The following KLHL15 variants were observed in gnomAD, a reference collection of about 807,000 sequenced individuals.
KLHL15 encodes kelch like family member 15.
In KLHL15, 1 loss-of-function variant was observed where a neutral mutation model predicts 29.3. The ratio of observed to expected loss-of-function variants is 0.03; its 90% CI spans 0.01 to 0.16. KLHL15 has a LOEUF of 0.16. KLHL15 is among the 10% of genes least tolerant of loss of function. The probability of loss-of-function intolerance (pLI) is 1.00; values close to 1 mark genes in which losing one functional copy is unlikely to be tolerated. For missense variants in KLHL15, 215 were observed against 478.5 expected (o/e 0.45, Z 5.14); for synonymous variants, 212 against 184.5 (o/e 1.15, Z -1.21).
intron 3 of KLHL15, among the ~76,000 whole-genome samples, chrX:23,995,872 C>T (rs949218030): frequency 8.1e-5 from 9 of 111,493 alleles, no homozygotes; most frequent in Non-Finnish European, 1.7e-4. Context: ...GCCTGTCTCC[C>T]GAGTAGCTGG....
At chrX:24,014,203 C>T (rs1929630616) in intron 2 of KLHL15, among the ~76,000 whole-genome samples, 1 of 111,673 alleles carries the variant, frequency 9.0e-6, no homozygotes, top group African/African-American at 3.2e-5. Flanking sequence ...GATCATGCCA[C>T]TGCTCTCCAG....
At chrX:24,013,472 C>T (rs1929614728) in intron 2 of KLHL15, among the ~76,000 whole-genome samples, 2 of 109,912 alleles carry the variant, frequency 1.8e-5, no homozygotes, top group African/African-American at 6.6e-5. Context: ...GTCATGTTGG[C>T]CAGCTGGTCT....
chrX:24,025,719 G>GGGGGGGAA (rs1347210997), intron 1 of KLHL15, among the ~76,000 whole-genome samples: 2 of 108,933 alleles, frequency 1.8e-5, no homozygotes, highest in Admixed American at 9.5e-5. Flanking sequence ...GTGTGGGAAC[G>GGGGGGGAA]GGGGGGAAGG....
At position 23,987,331 on chromosome X, in the gene KLHL15, T is replaced by C. The variant is rs1929004722; in HGVS notation, c.*590A>G. 8.9e-6 allele frequency: 1 copy of C among 112,607 alleles called. No individual in the cohort carries two copies. Among genetic ancestry groups the C allele is most frequent in the East Asian group, 2.8e-4 (1 of 3,619 alleles). 9.3% of individuals were successfully genotyped at this position (112,607 alleles called of 1,213,427 possible). ...GTGCCTTGTGTATTTATAGGTTGTA[T>C]GCGAGTATGAATATGCTTTCACTAA... On this transcript the variant is annotated 3_prime_UTR_variant, in exon 4 of 4. Coordinates refer to ENST00000328046, the MANE Select transcript of KLHL15 (RefSeq NM_030624.3).
chrX:24,004,507 T>C (rs573967379), intron 3 of KLHL15, among the ~76,000 whole-genome samples: 76 of 111,872 alleles, frequency 6.8e-4, no homozygotes, highest in African/African-American at 2.4e-3. Context: ...AGAAATACAT[T>C]ATTGGCTGGG....
chrX:23,984,270 T>C lies in KLHL15; in HGVS notation c.*3651A>G, dbSNP rs775279437. ...CCATGAATTTATCTATTCCAGTCTA[T>C]GCCTACTGAATATTTGACTTTATAA... On this transcript the variant is annotated 3_prime_UTR_variant, in exon 4 of 4. Transcript: ENST00000328046. 2 of 112,257 alleles carry C rather than the reference T, an allele frequency of 1.8e-5. No individual in the cohort carries two copies. Among genetic ancestry groups the C allele is most frequent in the African/African-American group, 6.5e-5 (2 of 31,005 alleles). 9.3% of individuals were successfully genotyped at this position (112,257 alleles called of 1,213,427 possible).
At position 23,988,014 on chromosome X, in the gene KLHL15, C is replaced by T. The variant is rs1353490444; in HGVS notation, c.1722G>A (p.Glu574=). 4 of 1,211,344 alleles carry T rather than the reference C, an allele frequency of 3.3e-6. No homozygotes were observed. In the South Asian group the frequency reaches 7.0e-5, roughly 21 times the overall value. Residue 574 remains glutamate, a synonymous_variant, in exon 4 of 4, where the codon GAG becomes GAA. Transcript: ENST00000328046. ...DPDENKWKED[E]YPRMPCKLDG... ...CCAGCTTGCAGGGCATCCGAGGGTACTCATCTTCCTTCCACTTGTTTTCAT... is the reference window on the plus strand; with the variant it reads ...CCAGCTTGCAGGGCATCCGAGGGTATTCATCTTCCTTCCACTTGTTTTCAT...
At chrX:24,002,081 T>C (rs986964223) in intron 3 of KLHL15, among the ~76,000 whole-genome samples, 3 of 109,571 alleles carry the variant, frequency 2.7e-5, no homozygotes, top group African/African-American at 6.6e-5. Context: ...TGCAGTGAGC[T>C]GAGATCGCGC....
intron 3 of KLHL15, among the ~76,000 whole-genome samples, chrX:24,004,109 T>C (rs1262079286): frequency 9.0e-6 from 1 of 110,553 alleles, no homozygotes; most frequent in Non-Finnish European, 1.9e-5. Flanking sequence ...GGGCTTTTCC[T>C]TGGGTTGAGG....
At chrX:24,011,954 G>A (rs1929583428) in intron 2 of KLHL15, among the ~76,000 whole-genome samples, 1 of 112,675 alleles carries the variant, frequency 8.9e-6, no homozygotes, top group South Asian at 3.6e-4. Context: ...TTCAAGACCA[G>A]CCTGGCCAAC....
chrX:23,994,796 A>ATATTATATATATTATAATTATATATAT (rs1929153038), intron 3 of KLHL15, among the ~76,000 whole-genome samples: 2 of 111,729 alleles, frequency 1.8e-5, no homozygotes, highest in Non-Finnish European at 3.8e-5. Context: ...TATATCATAT[A>ATATTATATATATTATAATTATATATAT]ATTATATATA....
In KLHL15 at chrX:24,006,879, A is replaced by C. The variant is rs150129999; in HGVS notation, c.-7-179T>G. Among the ~76,000 whole-genome samples the C allele has an allele frequency of 1.9e-3, 214 of 112,028 alleles. 1 individual carries two copies. Among genetic ancestry groups the C allele is most frequent in the African/African-American group, 6.0e-3 (184 of 30,914 alleles). ...GCAGACTAATATTTCTGGCTTCCCTATCTAAGGAAAAGAATCTATTAAAGA... is the reference window on the plus strand; with the variant it reads ...GCAGACTAATATTTCTGGCTTCCCTCTCTAAGGAAAAGAATCTATTAAAGA... On this transcript the variant is annotated intron_variant, in intron 2 of 3. Transcript: ENST00000328046.
At chrX:24,000,600 C>A (rs764713711) in intron 3 of KLHL15, among the ~76,000 whole-genome samples, 2 of 112,580 alleles carry the variant, frequency 1.8e-5, no homozygotes, top group African/African-American at 6.4e-5. Context: ...AGGGAAATTT[C>A]TACTTCTCTA....
intron 2 of KLHL15, among the ~76,000 whole-genome samples, chrX:24,009,560 C>T (rs1247279454): frequency 3.7e-5 from 4 of 108,171 alleles, no homozygotes; most frequent in Non-Finnish European, 7.7e-5. Flanking sequence ...TAGCGGGCGC[C>T]TGTAGTCCTA....
At chrX:24,016,838 G>C (rs1235394401) in intron 2 of KLHL15, among the ~76,000 whole-genome samples, 1 of 110,986 alleles carries the variant, frequency 9.0e-6, no homozygotes, top group African/African-American at 3.3e-5. Context: ...AGCCAAAATA[G>C]TAAGCCTGAT....
chrX:24,007,508 A>AAAAATAT (rs1307669839), intron 2 of KLHL15, among the ~76,000 whole-genome samples: 6 of 35,934 alleles, frequency 1.7e-4, no homozygotes, highest in African/African-American at 8.9e-4. Flanking sequence ...AAAAAAAAAA[A>AAAAATAT]ATATATATAT....
intron 2 of KLHL15, among the ~76,000 whole-genome samples, chrX:24,016,789 T>C (rs1165079488): frequency 9.0e-6 from 1 of 111,481 alleles, no homozygotes; most frequent in Admixed American, 9.6e-5. Context: ...ACTGTAACAT[T>C]AAGGCTTATT....
chrX:24,014,095 TAAAA>T (rs11340896), intron 2 of KLHL15, among the ~76,000 whole-genome samples: 1 of 89,036 alleles, frequency 1.1e-5, no homozygotes. Context: ...CTAACAAAAT[TAAAA>T]AAAAAAAAAA....
At chrX:24,004,596 G>T (rs1306077067) in intron 3 of KLHL15, among the ~76,000 whole-genome samples, 1 of 109,826 alleles carries the variant, frequency 9.1e-6, no homozygotes, top group African/African-American at 3.3e-5. Context: ...TTCGAGACCA[G>T]CCTGGCCAAG....
Sources: allele counts gnomAD v4.1 joint callset (sites outside exome capture counted in the v4.1 genomes callset), GRCh38; gene constraint gnomAD v4.1.1; transcripts MANE v1.5; gene names NCBI Gene and HGNC (gene_info 2026-07-23, HGNC 2026-07-21).